The following MEIS1 variants were observed in gnomAD, a reference collection of about 807,000 sequenced individuals.
The protein encoded by MEIS1 is Meis homeobox 1.
In MEIS1, 5 loss-of-function variants were observed where a neutral mutation model predicts 50.8. The ratio of observed to expected loss-of-function variants is 0.10; its 90% CI spans 0.05 to 0.21. MEIS1 has a LOEUF of 0.21. Among genes scored for constraint, MEIS1 ranks in the 10% least tolerant of loss-of-function variants. The pLI is 1.00. For synonymous variants in MEIS1, 176 were observed against 179.3 expected, an observed-to-expected ratio of 0.98 and a Z score of 0.15; for missense variants, 318 against 517.3, an observed-to-expected ratio of 0.61 and a Z score of 3.74.
intron 2 of MEIS1, chr2:66,439,560 T>G (rs1573116225): frequency 3.3e-6 from 5 of 1,520,738 alleles, no homozygotes; most frequent in Non-Finnish European, 4.4e-6. Context: ...AACGCTTGGG[T>G]TTTATTCGTA....
At chr2:66,465,587 T>C (rs1672614496) in intron 7 of MEIS1, among the ~76,000 whole-genome samples, 1 of 152,200 alleles carries the variant, frequency 6.6e-6, no homozygotes. Context: ...GTAAATGGAA[T>C]ATAAATTCTT....
At chr2:66,493,630 T>C (rs1229726627) in intron 7 of MEIS1, among the ~76,000 whole-genome samples, 2 of 152,192 alleles carry the variant, frequency 1.3e-5, no homozygotes, top group Non-Finnish European at 2.9e-5. Flanking sequence ...TGTGCTTAAA[T>C]AGAATATCCA....
Position 66,490,285 on chromosome 2 carries a change from T to C in MEIS1, c.743-21864T>C, listed in dbSNP as rs145024825. 7.7e-3 allele frequency among the ~76,000 whole-genome samples: 1,169 copies of C among 152,282 alleles called. 18 individuals carry two copies. Among genetic ancestry groups the C allele is most frequent in the African/African-American group, 0.026 (1,096 of 41,572 alleles). On this transcript the variant is annotated intron_variant, in intron 7 of 12. Transcript: ENST00000272369. The stretch of plus-strand genomic sequence containing the variant: ...CGCATTTGCAGATGGAAACAGACTG[T>C]GTAGCCGGATTTGGAGGGTGGGTTG...
At chr2:66,448,574 A>G (rs1490387937) in intron 6 of MEIS1, among the ~76,000 whole-genome samples, 1 of 152,178 alleles carries the variant, frequency 6.6e-6, no homozygotes, top group Non-Finnish European at 1.5e-5. Flanking sequence ...TGTCAACATG[A>G]ATTTAAATGA....
chr2:66,495,870 C>T (rs1313966651), intron 7 of MEIS1, among the ~76,000 whole-genome samples: 1 of 152,148 alleles, frequency 6.6e-6, no homozygotes, highest in South Asian at 2.1e-4. Context: ...AAGAGTGTAG[C>T]AAGTTCAGGC....
At chr2:66,473,397 A>AAAAATATATATATATATATAT in intron 7 of MEIS1, among the ~76,000 whole-genome samples, 1 of 107,596 alleles carries the variant, frequency 9.3e-6, no homozygotes, top group African/African-American at 5.8e-5. Context: ...AAAAAAAAAA[A>AAAAATATATATATATATATAT]ATATATATAT....
At chr2:66,489,919 C>A (rs1673233330) in intron 7 of MEIS1, among the ~76,000 whole-genome samples, 1 of 152,122 alleles carries the variant, frequency 6.6e-6, no homozygotes, top group Admixed American at 6.5e-5. Flanking sequence ...TCAATTTTAT[C>A]TATTTTTCAC....
At chr2:66,495,457 A>G (rs1180594550) in intron 7 of MEIS1, among the ~76,000 whole-genome samples, 1 of 152,212 alleles carries the variant, frequency 6.6e-6, no homozygotes, top group African/African-American at 2.4e-5. Context: ...ATTGCCCCAA[A>G]TATAACAGAG....
At chr2:66,522,030 T>C (rs1558548965) in intron 8 of MEIS1, among the ~76,000 whole-genome samples, 1 of 152,254 alleles carries the variant, frequency 6.6e-6, no homozygotes, top group Non-Finnish European at 1.5e-5. Context: ...GCATTTATCT[T>C]TGTGTGTTTC....
At chr2:66,526,213 T>C (rs748322129) in intron 8 of MEIS1, among the ~76,000 whole-genome samples, 1 of 152,230 alleles carries the variant, frequency 6.6e-6, no homozygotes, top group Non-Finnish European at 1.5e-5. Flanking sequence ...CTATTAATCA[T>C]TGCTTAGCAG....
rs1675065955 is a variant in MEIS1, at chr2:66,556,418, G to A, written c.965+8399G>A. On this transcript the variant is annotated intron_variant, in intron 9 of 12. Coordinates refer to ENST00000272369, the MANE Select transcript of MEIS1 (RefSeq NM_002398.3). Reference sequence around the variant, plus strand: ...CCTCCAGGTCTGGGGGAGATGATTGGAGCTACATGTAACTTAGCTCAAAAA... The same window carrying A: ...CCTCCAGGTCTGGGGGAGATGATTGAAGCTACATGTAACTTAGCTCAAAAA... Among the ~76,000 whole-genome samples, 4 of 151,640 alleles carry A rather than the reference G, an allele frequency of 2.6e-5. No homozygotes were observed. The South Asian group carries it at 6.3e-4, about 24-fold the overall frequency.
chr2:66,538,794 T>G (rs1272448860), intron 8 of MEIS1, among the ~76,000 whole-genome samples: 2 of 152,222 alleles, frequency 1.3e-5, no homozygotes, highest in South Asian at 4.1e-4. Flanking sequence ...AAATCCCAAT[T>G]TGTTTCAAAG....
chr2:66,522,565 G>T (rs148492706), intron 8 of MEIS1, among the ~76,000 whole-genome samples: 3 of 152,126 alleles, frequency 2.0e-5, no homozygotes, highest in Non-Finnish European at 4.4e-5. Context: ...TGGTGTTTTC[G>T]TGTTTAATTG....
intron 6 of MEIS1, among the ~76,000 whole-genome samples, chr2:66,452,012 A>AAT (rs1413467282): frequency 1.3e-5 from 2 of 151,988 alleles, no homozygotes; most frequent in African/African-American, 4.8e-5. Flanking sequence ...AAATCCAGCC[A>AAT]ATATATATAT....
intron 9 of MEIS1, among the ~76,000 whole-genome samples, chr2:66,559,954 A>C (rs916222479): frequency 5.1e-4 from 77 of 152,134 alleles, no homozygotes; most frequent in African/African-American, 1.8e-3. Flanking sequence ...GCACAACCAG[A>C]CCCAGCTAAT....
In MEIS1 at chr2:66,548,051, T is replaced by C. The variant is rs76478785; in HGVS notation, c.965+32T>C. The C allele has an allele frequency of 6.2e-6, 10 of 1,605,006 alleles. No homozygotes were observed. In the South Asian group the frequency reaches 1.1e-4, roughly 18 times the overall value. On this transcript the variant is annotated intron_variant, in intron 9 of 12. Coordinates refer to ENST00000272369, the MANE Select transcript of MEIS1 (RefSeq NM_002398.3). ...AATTTGGCTTTGTGTTTACACACAATCTGTTTCCCCCTCTGGCAACCTGCA... is the reference window on the plus strand; with the variant it reads ...AATTTGGCTTTGTGTTTACACACAACCTGTTTCCCCCTCTGGCAACCTGCA...
intron 6 of MEIS1, among the ~76,000 whole-genome samples, chr2:66,457,600 T>C (rs1333347214): frequency 6.6e-6 from 1 of 152,188 alleles, no homozygotes; most frequent in Non-Finnish European, 1.5e-5. Context: ...GAAATGATAT[T>C]TGCTGAAGTC....
At chr2:66,447,176 T>G (rs1221902760) in intron 6 of MEIS1, among the ~76,000 whole-genome samples, 2 of 152,198 alleles carry the variant, frequency 1.3e-5, no homozygotes, top group South Asian at 4.1e-4. Flanking sequence ...ATACTAGAAA[T>G]GTCCGCAATT....
intron 7 of MEIS1, among the ~76,000 whole-genome samples, chr2:66,493,061 A>G (rs1274195376): frequency 1.3e-5 from 2 of 152,226 alleles, no homozygotes; most frequent in African/African-American, 4.8e-5. Context: ...CTTGGCAACA[A>G]ATAACATATA....
Sources: gnomAD v4.1 joint callset for allele counts (sites outside exome capture counted in the v4.1 genomes callset) on GRCh38, gnomAD v4.1.1 for gene constraint, MANE v1.5 for transcripts, NCBI Gene and HGNC (gene_info 2026-07-23, HGNC 2026-07-21) for gene names.